The following TRPM3 variants were observed in gnomAD, a reference collection of about 807,000 sequenced individuals.
The protein encoded by TRPM3 is transient receptor potential cation channel subfamily M member 3.
A neutral mutation model predicts 181.2 loss-of-function variants in TRPM3; 77 were observed. The observed-to-expected ratio is 0.42, with a 90% CI of 0.35 to 0.51. The LOEUF (loss-of-function observed/expected upper bound fraction) is 0.51, where lower values mean the gene tolerates loss of function less well. Ranked by LOEUF, TRPM3 falls within the 20% of genes least tolerant of loss-of-function variation. The pLI is 0.01. For missense variants in TRPM3, 1,759 were observed against 2,196.7 expected, an observed-to-expected ratio of 0.80 and a Z score of 3.98; for synonymous variants, 745 against 796.4, an observed-to-expected ratio of 0.94 and a Z score of 1.09.
At chr9:71,433,176 C>T (rs2093983326) in intron 1 of TRPM3, among the ~76,000 whole-genome samples, 1 of 152,184 alleles carries the variant, frequency 6.6e-6, no homozygotes, top group African/African-American at 2.4e-5. Context: ...TGCAGAATTT[C>T]TAAGCCTTCA....
chr9:70,690,762 C>A (rs755784032), intron 8 of TRPM3, among the ~76,000 whole-genome samples: 24 of 152,074 alleles, frequency 1.6e-4, no homozygotes, highest in Non-Finnish European at 2.9e-4. Flanking sequence ...TGATAGGGAT[C>A]CAAACAGGAT....
chr9:71,411,255 C>T (rs1236950673), intron 1 of TRPM3, among the ~76,000 whole-genome samples: 1 of 152,160 alleles, frequency 6.6e-6, no homozygotes, highest in African/African-American at 2.4e-5. Context: ...CTGGCCAGGG[C>T]CATCAGACAG....
intron 1 of TRPM3, among the ~76,000 whole-genome samples, chr9:71,083,392 G>A (rs1005183657): frequency 1.3e-5 from 2 of 151,936 alleles, no homozygotes; most frequent in African/African-American, 4.8e-5. Context: ...GCTGGTAAAT[G>A]GGGAATTAAA....
At chr9:71,286,496 C>T (rs979266742) in intron 1 of TRPM3, among the ~76,000 whole-genome samples, 2 of 152,052 alleles carry the variant, frequency 1.3e-5, no homozygotes, top group African/African-American at 4.8e-5. Context: ...GCTTTTTGGT[C>T]ATTTGTGACC....
At chr9:70,638,626 T>C (rs2057586881) in intron 11 of TRPM3, among the ~76,000 whole-genome samples, 1 of 152,196 alleles carries the variant, frequency 6.6e-6, no homozygotes, top group African/African-American at 2.4e-5. Context: ...TCTTCCACTT[T>C]ATAGCTGAAC....
Position 70,843,116 on chromosome 9 carries a change from G to T in TRPM3, c.688C>A (p.His230Asn). ...TGATCCTTCAAGGCATCGCCAACATGACGAATAACACCTAAAAAAAAAAGA... is the reference window on the plus strand; with the variant it reads ...TGATCCTTCAAGGCATCGCCAACATTACGAATAACACCTAAAAAAAAAAGA... The part of the protein sequence containing the change: ...TGGVNTGVIR[H>N]VGDALKDHAS... Residue 230 changes from histidine (H) to asparagine (N), a missense_variant, in exon 5 of 26, where the codon CAT becomes AAT. This residue lies in a region of TRPM3 where 737 missense variants were observed against 957.4 expected (regional missense o/e 0.77). Coordinates refer to ENST00000677713, the MANE Select transcript of TRPM3 (RefSeq NM_001366145.2). The T allele has an allele frequency of 6.4e-7, 1 of 1,567,672 alleles. No individual in the cohort carries two copies. Among genetic ancestry groups the T allele is most frequent in the South Asian group, 1.1e-5 (1 of 87,968 alleles).
chr9:71,034,172 C>T (rs1030071782), intron 1 of TRPM3, among the ~76,000 whole-genome samples: 1 of 152,120 alleles, frequency 6.6e-6, no homozygotes, highest in Non-Finnish European at 1.5e-5. Flanking sequence ...TACTTCGAAG[C>T]CGCAATCTCT....
At chr9:70,981,864 A>T (rs2097367324) in intron 1 of TRPM3, among the ~76,000 whole-genome samples, 1 of 152,218 alleles carries the variant, frequency 6.6e-6, no homozygotes, top group Non-Finnish European at 1.5e-5. Context: ...AGGAAATATT[A>T]TCTTTGTATT....
At chr9:71,115,394 C>T (rs1260379832) in intron 1 of TRPM3, among the ~76,000 whole-genome samples, 1 of 152,080 alleles carries the variant, frequency 6.6e-6, no homozygotes, top group Non-Finnish European at 1.5e-5. Flanking sequence ...CTTGGGATTT[C>T]ATATATCTTT....
chr9:71,126,337 G>C (rs929538195), upstream of TRPM3, among the ~76,000 whole-genome samples: 5 of 152,034 alleles, frequency 3.3e-5, no homozygotes, highest in Non-Finnish European at 7.4e-5. Context: ...CTCAAAGACC[G>C]AGAACCACTA....
intron 1 of TRPM3, among the ~76,000 whole-genome samples, chr9:70,905,468 G>T (rs1222973502): frequency 1.3e-5 from 2 of 152,098 alleles, no homozygotes; most frequent in Non-Finnish European, 2.9e-5. Flanking sequence ...CAAACCGACT[G>T]AGGGTGACAG....
chr9:71,182,127 A>G (rs765276210), intron 1 of TRPM3, among the ~76,000 whole-genome samples: 7 of 152,184 alleles, frequency 4.6e-5, no homozygotes, highest in Non-Finnish European at 8.8e-5. Context: ...ACAAGCATAC[A>G]AAAGCACTTT....
At chr9:70,837,504 C>T (rs2094399609) in intron 5 of TRPM3, among the ~76,000 whole-genome samples, 1 of 152,094 alleles carries the variant, frequency 6.6e-6, no homozygotes, top group Admixed American at 6.6e-5. Flanking sequence ...ATGGAAAGTG[C>T]TTTGTCTTTT....
intron 1 of TRPM3, among the ~76,000 whole-genome samples, chr9:71,162,199 C>CAAAAAAAAAAAAAAAAAA (rs35947110): frequency 4.0e-5 from 3 of 74,446 alleles, no homozygotes; most frequent in Admixed American, 1.8e-4. Context: ...GACTCTGTCT[C>CAAAAAAAAAAAAAAAAAA]AAAAAAAAAA....
chr9:71,325,763 C>A (rs1417767079), intron 1 of TRPM3, among the ~76,000 whole-genome samples: 1 of 152,184 alleles, frequency 6.6e-6, no homozygotes, highest in African/African-American at 2.4e-5. Flanking sequence ...CACCCACACA[C>A]ACACACACAC....
chr9:71,402,042 A>G (rs2093349910), intron 1 of TRPM3, among the ~76,000 whole-genome samples: 1 of 152,228 alleles, frequency 6.6e-6, no homozygotes, highest in Non-Finnish European at 1.5e-5. Flanking sequence ...TGTTTCTGCC[A>G]ACTTTCAGCC....
At chr9:70,898,285 GC>G (rs2096315572) in intron 1 of TRPM3, among the ~76,000 whole-genome samples, 1 of 151,152 alleles carries the variant, frequency 6.6e-6, no homozygotes, top group Non-Finnish European at 1.5e-5. Flanking sequence ...ACTACGCCCG[GC>G]TAATTTTTTG....
chr9:71,344,531 T>C (rs1198870484), intron 1 of TRPM3, among the ~76,000 whole-genome samples: 3 of 152,070 alleles, frequency 2.0e-5, no homozygotes, highest in African/African-American at 4.8e-5. Flanking sequence ...AAAAACAGGA[T>C]ATTTGCATGA....
intron 8 of TRPM3, among the ~76,000 whole-genome samples, chr9:70,742,537 C>T (rs2074357120): frequency 6.6e-6 from 1 of 152,144 alleles, no homozygotes; most frequent in Non-Finnish European, 1.5e-5. Flanking sequence ...CCCTACCTAA[C>T]TGTGATTTTG....
Sources: allele counts gnomAD v4.1 joint callset (sites outside exome capture counted in the v4.1 genomes callset), GRCh38; gene constraint gnomAD v4.1.1; regional missense constraint gnomAD v4.1.1; transcripts MANE v1.5; gene names NCBI Gene and HGNC (gene_info 2026-07-23, HGNC 2026-07-21).